Variants in ZCWPW2 observed in about 807,000 individuals in gnomAD.
ZCWPW2 encodes the protein zinc finger CW-type and PWWP domain containing 2.
ZCWPW2 carries 45 observed loss-of-function variants against 46.6 expected under a neutral mutation model. The ratio of observed to expected loss-of-function variants is 0.96; its 90% CI spans 0.76 to 1.24. ZCWPW2 has a LOEUF of 1.24. Among genes scored for constraint, ZCWPW2 ranks in the 50% most tolerant of loss-of-function variants. The pLI, the probability that ZCWPW2 is intolerant of heterozygous loss-of-function variation, is 0.00. For missense variants in ZCWPW2, 429 were observed against 403.9 expected, an observed-to-expected ratio of 1.06 and a Z score of -0.53; for synonymous variants, 152 against 137.1, an observed-to-expected ratio of 1.11 and a Z score of -0.76.
At chr3:28,352,037 A>T (rs909049170) in intron 1 of ZCWPW2, among the ~76,000 whole-genome samples, 2 of 151,986 alleles carry the variant, frequency 1.3e-5, no homozygotes, top group Non-Finnish European at 2.9e-5. Context: ...TTGGGCATAC[A>T]CAGTTGTCTT....
Position 28,524,526 on chromosome 3 carries a change from G to A in ZCWPW2, c.910-1G>A, listed in dbSNP as rs1457708706. Reference sequence around the variant, plus strand: ...CGATTAATTATATGGTTGTTTTGCAGTTATCTAAATGCAGCCCAGAAGCTC... The same window carrying A: ...CGATTAATTATATGGTTGTTTTGCAATTATCTAAATGCAGCCCAGAAGCTC... On this transcript the variant is annotated splice_acceptor_variant, in intron 9 of 9. Coordinates refer to ENST00000383768, the MANE Select transcript of ZCWPW2 (RefSeq NM_001040432.4). LOFTEE classifies it high-confidence loss of function. 2 of 1,600,392 alleles carry A rather than the reference G, an allele frequency of 1.2e-6. No individual in the cohort carries two copies.
At chr3:28,441,039 G>A (rs951594909) in intron 4 of ZCWPW2, among the ~76,000 whole-genome samples, 1 of 152,188 alleles carries the variant, frequency 6.6e-6, no homozygotes, top group Admixed American at 6.5e-5. Flanking sequence ...TGATGTTGCT[G>A]AGCCCATGCA....
At chr3:28,358,782 T>C (rs1252768049) in intron 1 of ZCWPW2, among the ~76,000 whole-genome samples, 3 of 152,148 alleles carry the variant, frequency 2.0e-5, no homozygotes, top group Non-Finnish European at 2.9e-5. Flanking sequence ...GTAGATTAGA[T>C]TGCTATCTGA....
intron 1 of ZCWPW2, among the ~76,000 whole-genome samples, chr3:28,378,164 A>G (rs939187769): frequency 6.6e-6 from 1 of 152,068 alleles, no homozygotes; most frequent in Non-Finnish European, 1.5e-5. Context: ...TTTTTGTAGG[A>G]TCATTAAGTA....
intron 1 of ZCWPW2, among the ~76,000 whole-genome samples, chr3:28,379,775 C>A (rs1252793702): frequency 3.3e-5 from 5 of 151,836 alleles, no homozygotes; most frequent in African/African-American, 1.2e-4. Context: ...AAATGAGAAC[C>A]TTTTCCATAG....
chr3:28,389,735 G>GAT (rs1256941245), intron 1 of ZCWPW2, among the ~76,000 whole-genome samples: 1 of 152,098 alleles, frequency 6.6e-6, no homozygotes, highest in Non-Finnish European at 1.5e-5. Flanking sequence ...GAGATTTAAG[G>GAT]ATACATCTCA....
chr3:28,369,808 G>T (rs1426826142), intron 1 of ZCWPW2, among the ~76,000 whole-genome samples: 1 of 152,238 alleles, frequency 6.6e-6, no homozygotes, highest in Non-Finnish European at 1.5e-5. Flanking sequence ...GCTCCACCCA[G>T]TTGGAGCTTC....
rs187441318 is a variant in ZCWPW2, at chr3:28,411,509, A to C, written c.-13-1547A>C. 3.9e-5 allele frequency among the ~76,000 whole-genome samples: 6 copies of C among 152,124 alleles called. No homozygotes were observed. The East Asian group carries it at 1.2e-3, about 29-fold the overall frequency. On this transcript the variant is annotated intron_variant, in intron 2 of 9. Transcript: ENST00000383768. ...TATCATGGCTTCTAGTCAATGTTATATCTGTCTTAGCCACCATAGTAAGAC... is the reference window on the plus strand; with the variant it reads ...TATCATGGCTTCTAGTCAATGTTATCTCTGTCTTAGCCACCATAGTAAGAC...
At chr3:28,456,279 T>C (rs59973368) in intron 4 of ZCWPW2, among the ~76,000 whole-genome samples, 8,843 of 152,178 alleles carry the variant, frequency 0.058, 754 homozygotes, top group African/African-American at 0.19. Flanking sequence ...ATTTTGCTCT[T>C]GGTTTGCCTG....
At chr3:28,399,423 A>G (rs1241309356) in intron 2 of ZCWPW2, among the ~76,000 whole-genome samples, 1 of 152,080 alleles carries the variant, frequency 6.6e-6, no homozygotes, top group Non-Finnish European at 1.5e-5. Context: ...TCCTTTACAT[A>G]CTGCCACAGC....
chr3:28,393,702 C>G (rs900048026), intron 2 of ZCWPW2, among the ~76,000 whole-genome samples: 4 of 151,998 alleles, frequency 2.6e-5, no homozygotes, highest in African/African-American at 7.2e-5. Context: ...ATGATCATCT[C>G]AATAGATGAA....
chr3:28,422,504 G>A (rs145397831), intron 3 of ZCWPW2, among the ~76,000 whole-genome samples: 20 of 152,158 alleles, frequency 1.3e-4, no homozygotes, highest in Non-Finnish European at 2.6e-4. Context: ...CTTTTATTTA[G>A]TAATATGCAT....
At chr3:28,373,180 G>A (rs1705393979) in intron 1 of ZCWPW2, among the ~76,000 whole-genome samples, 2 of 152,156 alleles carry the variant, frequency 1.3e-5, no homozygotes, top group African/African-American at 2.4e-5. Context: ...GTATCCAGTA[G>A]TGGGATTACT....
At chr3:28,390,714 T>C in intron 2 of ZCWPW2, 97 bp downstream of exon 2, 5 of 912,174 alleles carry the variant, frequency 5.5e-6, no homozygotes, top group Non-Finnish European at 6.6e-6. Flanking sequence ...TTTTAAAATG[T>C]AAAAAAATTC....
chr3:28,488,363 C>T (rs535214453), intron 5 of ZCWPW2, among the ~76,000 whole-genome samples: 30 of 152,194 alleles, frequency 2.0e-4, no homozygotes, highest in African/African-American at 6.7e-4. Context: ...GTTCATTTTT[C>T]GTTTTGCTCA....
intron 1 of ZCWPW2, among the ~76,000 whole-genome samples, chr3:28,352,955 G>T (rs942477044): frequency 6.6e-6 from 1 of 152,056 alleles, no homozygotes; most frequent in Non-Finnish European, 1.5e-5. Context: ...AGGCTGAGAT[G>T]GGCCAATCAC....
intron 1 of ZCWPW2, among the ~76,000 whole-genome samples, chr3:28,357,662 C>A (rs1020999537): frequency 2.0e-5 from 3 of 151,782 alleles, no homozygotes; most frequent in African/African-American, 7.3e-5. Flanking sequence ...TTCTGTTTTG[C>A]AAGCCTTTGG....
intron 3 of ZCWPW2, among the ~76,000 whole-genome samples, chr3:28,420,722 C>T (rs938139381): frequency 6.6e-6 from 1 of 151,836 alleles, no homozygotes; most frequent in African/African-American, 2.4e-5. Context: ...TTTATTTTTA[C>T]CATAACAACT....
At position 28,515,704 on chromosome 3, in the gene ZCWPW2, A is replaced by G. The variant is rs1476864162; in HGVS notation, c.784+83A>G. 3.9e-6 allele frequency: 5 copies of G among 1,280,938 alleles called. No individual in the cohort carries two copies. The African/African-American group carries it at 4.6e-5, about 12-fold the overall frequency. 79.3% of individuals were successfully genotyped at this position (1,280,938 alleles called of 1,614,324 possible). Reference sequence around the variant, plus strand: ...GTAGTTGTAGTCCTTTGAAGGAAAAAAAAAGATTTCCTGTGTGTGTGTGTG... The same window carrying G: ...GTAGTTGTAGTCCTTTGAAGGAAAAGAAAAGATTTCCTGTGTGTGTGTGTG... On this transcript the variant is annotated intron_variant, in intron 8 of 9. Transcript: ENST00000383768.
Sources: allele counts gnomAD v4.1 joint callset (sites outside exome capture counted in the v4.1 genomes callset), GRCh38; gene constraint gnomAD v4.1.1; transcripts MANE v1.5; gene names NCBI Gene and HGNC (gene_info 2026-07-23, HGNC 2026-07-21).